CLEC16A: variants seen among roughly 807,000 people sequenced by gnomAD.
CLEC16A encodes C-type lectin domain containing 16A.
Under a neutral mutation model 109.5 loss-of-function variants are expected in CLEC16A, and 51 were observed. The ratio of observed to expected loss-of-function variants is 0.47; its 90% CI spans 0.37 to 0.59. CLEC16A has a LOEUF of 0.59. Ranked by LOEUF, CLEC16A falls within the 20% of genes least tolerant of loss-of-function variation. The pLI, the probability that CLEC16A is intolerant of heterozygous loss-of-function variation, is 0.00. For missense variants in CLEC16A, 1,339 were observed against 1,394.0 expected (o/e 0.96, Z 0.63); for synonymous variants, 673 against 564.2 (o/e 1.19, Z -2.73).
chr16:10,975,866 GGT>G (rs1203772537), intron 7 of CLEC16A, among the ~76,000 whole-genome samples: 4 of 152,076 alleles, frequency 2.6e-5, no homozygotes, highest in Non-Finnish European at 5.9e-5. Flanking sequence ...TGGCCAGGCT[GGT>G]CTCGAACTCC....
Position 11,107,234 on chromosome 16 carries a change from T to C in CLEC16A, c.2117-13381T>C, listed in dbSNP as rs913308891. 2.2e-5 allele frequency among the ~76,000 whole-genome samples: 3 copies of C among 136,346 alleles called. No homozygotes were observed. In the East Asian group the frequency reaches 6.1e-4, roughly 28 times the overall value. 89.4% of individuals were successfully genotyped at this position (136,346 alleles called of 152,430 possible). On this transcript the variant is annotated intron_variant, in intron 19 of 23. Transcript: ENST00000409790. The stretch of plus-strand genomic sequence containing the variant: ...TGGTTTCCTTTACAAATCCCAGAAA[T>C]GCCACCAGTACATTTTTTTTTTTCC...
intron 12 of CLEC16A, among the ~76,000 whole-genome samples, chr16:11,023,333 A>G (rs765258823): frequency 2.7e-4 from 41 of 152,186 alleles, no homozygotes; most frequent in Non-Finnish European, 4.4e-4. Flanking sequence ...GGTTATTCAT[A>G]TTATTCCCAA....
rs192230582 is a variant in CLEC16A at position 10,955,001 on chromosome 16, A to G, written c.81-2781A>G. ...GCGCTGTGCTTGGCTCTTTCTGTGC[A>G]TGGTCACGTTGCCTCTCTGGAACAA... On this transcript the variant is annotated intron_variant, in intron 1 of 23. Coordinates refer to ENST00000409790, the MANE Select transcript of CLEC16A (RefSeq NM_015226.3). 2.6e-5 allele frequency among the ~76,000 whole-genome samples: 4 copies of G among 152,338 alleles called. No homozygotes were observed. In the East Asian group the frequency reaches 7.7e-4, roughly 29 times the overall value.
chr16:11,056,931 C>T (rs1254254773), intron 18 of CLEC16A: 2 of 152,180 alleles, frequency 1.3e-5, no homozygotes, highest in East Asian at 1.9e-4. Context: ...AAATAAGTCT[C>T]ATTTCTTATG....
intron 3 of CLEC16A, among the ~76,000 whole-genome samples, chr16:10,966,169 T>C (rs1182658762): frequency 1.3e-5 from 2 of 152,116 alleles, no homozygotes; most frequent in Non-Finnish European, 2.9e-5. Flanking sequence ...AACTGTGGAC[T>C]ATTCAGAGAA....
chr16:11,133,328 G>C (rs141542500), intron 22 of CLEC16A, among the ~76,000 whole-genome samples: 1 of 150,360 alleles, frequency 6.7e-6, no homozygotes, highest in Non-Finnish European at 1.5e-5. Context: ...GACAGAGTGA[G>C]ACTCTGTCTC....
intron 13 of CLEC16A, chr16:11,027,350 A>T: frequency 7.1e-7 from 1 of 1,411,122 alleles, no homozygotes; most frequent in Non-Finnish European, 9.9e-7. Context: ...CCATTGCAAG[A>T]CTTTGCCTAA....
chr16:11,058,518 G>A (rs1050344095), intron 18 of CLEC16A, among the ~76,000 whole-genome samples: 1 of 144,370 alleles, frequency 6.9e-6, no homozygotes, highest in African/African-American at 2.8e-5. Context: ...GAGTACAGAT[G>A]CAACCCTTTT....
At chr16:11,042,481 A>T (rs554857195) in intron 15 of CLEC16A, 118 bp downstream of exon 15, 1 of 715,398 alleles carries the variant, frequency 1.4e-6, no homozygotes, top group Admixed American at 2.6e-5. Context: ...GTCACCAGCT[A>T]GAAGCAGCAG....
intron 18 of CLEC16A, among the ~76,000 whole-genome samples, chr16:11,055,039 A>G (rs946006186): frequency 1.3e-5 from 2 of 151,848 alleles, no homozygotes; most frequent in African/African-American, 4.8e-5. Context: ...GGTTCAAACA[A>G]TTCTCCTGGC....
chr16:11,102,050 C>T (rs767438011), intron 19 of CLEC16A, among the ~76,000 whole-genome samples: 46 of 150,536 alleles, frequency 3.1e-4, no homozygotes, highest in Non-Finnish European at 5.0e-4. Context: ...TGGGCTTGAG[C>T]AATCTGCCTA....
rs141134891 is a variant in CLEC16A, at chr16:11,065,104, G to A, written c.2116+4082G>A. On this transcript the variant is annotated intron_variant, in intron 19 of 23. Transcript: ENST00000409790. Reference sequence around the variant, plus strand: ...GGCCAGAGGAAGGGAGCTGTATCCCGTCTAGGCTGTGAGACTCACTCACTC... The same window carrying A: ...GGCCAGAGGAAGGGAGCTGTATCCCATCTAGGCTGTGAGACTCACTCACTC... Among the ~76,000 whole-genome samples the A allele has an allele frequency of 3.9e-3, 588 of 152,310 alleles. 2 individuals carry two copies. The highest frequency in any genetic ancestry group is 0.013 in the African/African-American group (531 of 41,560).
intron 19 of CLEC16A, among the ~76,000 whole-genome samples, chr16:11,089,521 AAAG>A (rs1184904948): frequency 6.6e-6 from 1 of 152,158 alleles, no homozygotes; most frequent in Non-Finnish European, 1.5e-5. Flanking sequence ...GCCCTCCATA[AAAG>A]AAGCTGCCCA....
intron 19 of CLEC16A, among the ~76,000 whole-genome samples, chr16:11,107,629 A>G (rs1217568025): frequency 1.1e-4 from 17 of 152,152 alleles, no homozygotes; most frequent in Admixed American, 1.0e-3. Context: ...AGGCTCAGGA[A>G]GGTCCAGGTG....
At chr16:10,990,351 C>A (rs890574853) in intron 10 of CLEC16A, among the ~76,000 whole-genome samples, 1 of 152,194 alleles carries the variant, frequency 6.6e-6, no homozygotes, top group Non-Finnish European at 1.5e-5. Flanking sequence ...AACATGAGGT[C>A]CGGTACTAAG....
At chr16:11,027,262 A>G in intron 13 of CLEC16A, 3 of 1,547,770 alleles carry the variant, frequency 1.9e-6, no homozygotes, top group South Asian at 2.2e-5. Flanking sequence ...CATGCCGTGG[A>G]ATTGCCAGAT....
intron 19 of CLEC16A, among the ~76,000 whole-genome samples, chr16:11,065,759 G>A (rs773661176): frequency 6.6e-6 from 1 of 152,228 alleles, no homozygotes; most frequent in African/African-American, 2.4e-5. Flanking sequence ...CTACGAGAAA[G>A]CACAGAAATG....
intron 19 of CLEC16A, among the ~76,000 whole-genome samples, chr16:11,113,935 G>A (rs540351387): frequency 6.6e-6 from 1 of 152,068 alleles, no homozygotes; most frequent in Non-Finnish European, 1.5e-5. Context: ...TGAAACTTTC[G>A]GTTTTAATAA....
intron 1 of CLEC16A, among the ~76,000 whole-genome samples, chr16:10,947,091 G>C (rs2041423576): frequency 6.6e-6 from 1 of 152,254 alleles, no homozygotes; most frequent in South Asian, 2.1e-4. Flanking sequence ...TCATTGTTTA[G>C]ATCACATGTC....
Sources: gnomAD v4.1 joint callset for allele counts (sites outside exome capture counted in the v4.1 genomes callset) on GRCh38, gnomAD v4.1.1 for gene constraint, MANE v1.5 for transcripts, NCBI Gene and HGNC (gene_info 2026-07-23, HGNC 2026-07-21) for gene names.